PCDHA8: variants seen among roughly 807,000 people sequenced by gnomAD.
The protein encoded by PCDHA8 is protocadherin alpha 8, also known as protocadherin alpha-8.
PCDHA8 carries 53 observed loss-of-function variants against 61.8 expected under a neutral mutation model. The observed-to-expected ratio is 0.86, with a 90% CI of 0.69 to 1.08. The LOEUF (loss-of-function observed/expected upper bound fraction) is 1.08, where lower values mean the gene tolerates loss of function less well. PCDHA8 is among the 50% of genes least tolerant of loss of function. PCDHA8 has a pLI of 0.00. For missense variants in PCDHA8, 1,293 were observed against 1,245.0 expected (o/e 1.04, Z -0.58); for synonymous variants, 618 against 556.6 (o/e 1.11, Z -1.55).
At chr5:140,881,393 A>T (rs1216651655) in intron 1 of PCDHA8, 1 of 979,528 alleles carries the variant, frequency 1.0e-6, no homozygotes, top group African/African-American at 1.8e-5. Context: ...GGTAAGTTAA[A>T]TTCTATTAAA....
In PCDHA8 at chr5:140,978,964, C is replaced by A; in HGVS notation, c.2410C>A (p.Pro804Thr). The A allele has an allele frequency of 6.2e-7, 1 of 1,614,122 alleles. No individual in the cohort carries two copies. The highest frequency in any genetic ancestry group is 1.3e-5 in the African/African-American group (1 of 75,040). ...GATTTTGCAGCCACGACAGCCCAAC[C>A]CTGACTGGCGTTACTCTGCCTCCCT... The part of the protein sequence containing the change: ...DHGLKPRQPN[P>T]DWRYSASLRA... Residue 804 changes from proline (P) to threonine (T), a missense_variant, in exon 2 of 4, where the codon CCT becomes ACT. Transcript: ENST00000531613.
intron 1 of PCDHA8, among the ~76,000 whole-genome samples, chr5:140,903,411 A>G (rs265314): frequency 0.015 from 2,274 of 152,338 alleles, 53 homozygotes; most frequent in African/African-American, 0.052. Flanking sequence ...TGCAGTCAGG[A>G]AAAATTCAGC....
At chr5:140,884,621 G>C (rs116377419) in intron 1 of PCDHA8, 2 of 1,613,996 alleles carry the variant, frequency 1.2e-6, no homozygotes, top group South Asian at 2.2e-5. Context: ...TTCTGCAGAG[G>C]GAACAGGCCA....
At chr5:140,882,160 C>G (rs2058982745) in intron 1 of PCDHA8, 8 of 1,509,868 alleles carry the variant, frequency 5.3e-6, no homozygotes, top group Non-Finnish European at 7.1e-6. Flanking sequence ...CGGAATACCT[C>G]TTGCGAATCC....
At chr5:140,862,433 G>A (rs781821294) in intron 1 of PCDHA8, 31 of 354,884 alleles carry the variant, frequency 8.7e-5, no homozygotes, top group Admixed American at 2.6e-4. Context: ...GAAACTATTC[G>A]TTGGTACTCC....
At position 140,928,355 on chromosome 5, in the gene PCDHA8, T is replaced by C. The variant is rs368876306; in HGVS notation, c.2395-50594T>C. On this transcript the variant is annotated intron_variant, in intron 1 of 3. Coordinates refer to ENST00000531613, the MANE Select transcript of PCDHA8 (RefSeq NM_018911.3). ...GTCTCTTATGAGCTGTTGGATGTTA[T>C]CTCTGAAGGGCCATCAGCCTCTAGC... 8.1e-6 allele frequency: 13 copies of C among 1,614,062 alleles called. No individual in the cohort carries two copies. The African/African-American group carries it at 1.6e-4, about 20-fold the overall frequency.
chr5:140,844,298 GT>G (rs141549111), intron 1 of PCDHA8, among the ~76,000 whole-genome samples: 3,056 of 149,412 alleles, frequency 0.02, 290 homozygotes, highest in Non-Finnish European at 0.031. Flanking sequence ...AAATTTGATA[GT>G]TTTCATATTC....
intron 1 of PCDHA8, among the ~76,000 whole-genome samples, chr5:140,913,266 T>C (rs1458769816): frequency 1.3e-5 from 2 of 152,176 alleles, no homozygotes; most frequent in Non-Finnish European, 2.9e-5. Flanking sequence ...TCTAATTACT[T>C]GTTATTGGTC....
At chr5:140,857,970 C>A (rs782641512) in intron 1 of PCDHA8, 1 of 1,596,952 alleles carries the variant, frequency 6.3e-7, no homozygotes, top group Non-Finnish European at 8.6e-7. Flanking sequence ...GAGACTGACT[C>A]GCCACGCCAG....
intron 1 of PCDHA8, among the ~76,000 whole-genome samples, chr5:140,893,346 C>A (rs1368723678): frequency 6.6e-6 from 1 of 152,104 alleles, no homozygotes; most frequent in Non-Finnish European, 1.5e-5. Context: ...AGTGGCAGTG[C>A]TAATTTACAT....
intron 1 of PCDHA8, chr5:140,850,311 T>C (rs2150479083): frequency 1.3e-6 from 2 of 1,597,000 alleles, no homozygotes; most frequent in African/African-American, 1.3e-5. Context: ...CTACAACGCG[T>C]GGCTTTCATA....
chr5:140,871,269 G>T, intron 1 of PCDHA8: 3 of 1,613,952 alleles, frequency 1.9e-6, no homozygotes, highest in Non-Finnish European at 2.5e-6. Context: ...CGCTGTGGTG[G>T]TCGGCAACGC....
chr5:140,848,975 A>G lies in PCDHA8; in HGVS notation c.2394+5260A>G, dbSNP rs2040717769. 3 of 1,601,024 alleles carry G rather than the reference A, an allele frequency of 1.9e-6. No homozygotes were observed. The East Asian group carries it at 6.7e-5, about 36-fold the overall frequency. ...TTCCACTAGAGGGCGCGTCCGATGC[A>G]GATATCGGGGAGAACGCCCTGCTCA... On this transcript the variant is annotated intron_variant, in intron 1 of 3. Transcript: ENST00000531613.
intron 1 of PCDHA8, among the ~76,000 whole-genome samples, chr5:140,963,244 T>C (rs934081934): frequency 6.6e-6 from 1 of 151,988 alleles, no homozygotes; most frequent in Non-Finnish European, 1.5e-5. Flanking sequence ...ATGGATTAGG[T>C]AGGTTTTCAT....
Position 140,875,764 on chromosome 5 carries a change from C to T in PCDHA8, c.2394+32049C>T, listed in dbSNP as rs782377276. On this transcript the variant is annotated intron_variant, in intron 1 of 3. Coordinates refer to ENST00000531613, the MANE Select transcript of PCDHA8 (RefSeq NM_018911.3). ...GATCGACCGCGAGAAGCTGTGCGGGCGGAGCGCGGAGTGCAGTATCCACCT... is the reference window on the plus strand; with the variant it reads ...GATCGACCGCGAGAAGCTGTGCGGGTGGAGCGCGGAGTGCAGTATCCACCT... 27 of 1,614,078 alleles carry T rather than the reference C, an allele frequency of 1.7e-5. No homozygotes were observed. In the South Asian group the frequency reaches 2.1e-4, roughly 12 times the overall value.
chr5:140,897,947 T>A (rs1276045551), intron 1 of PCDHA8, among the ~76,000 whole-genome samples: 1 of 152,168 alleles, frequency 6.6e-6, no homozygotes, highest in Non-Finnish European at 1.5e-5. Context: ...CAGTGATGAT[T>A]AGCATTTTTT....
chr5:140,848,486 A>G lies in PCDHA8; in HGVS notation c.2394+4771A>G. On this transcript the variant is annotated intron_variant, in intron 1 of 3. Transcript: ENST00000531613. Reference sequence around the variant, plus strand: ...ATTTTCACTAATTAGAAGAAGACTGAGTATTTGAAATGTTATACTCAAGTC... The same window carrying G: ...ATTTTCACTAATTAGAAGAAGACTGGGTATTTGAAATGTTATACTCAAGTC... 1.3e-6 allele frequency: 2 copies of G among 1,572,848 alleles called. 1 individual carries two copies.
chr5:140,857,990 G>C lies in PCDHA8; in HGVS notation c.2394+14275G>C, dbSNP rs570220982. ...TGACTCGCCACGCCAGCGCCTACTG[G>C]TGCTGGTGAAGGACCATGGCGAGCC... On this transcript the variant is annotated intron_variant, in intron 1 of 3. Transcript: ENST00000531613. 3.7e-5 allele frequency: 59 copies of C among 1,597,202 alleles called. 9 individuals are homozygous for C. In the South Asian group the frequency reaches 5.7e-4, roughly 16 times the overall value.
chr5:140,913,073 G>A (rs529914576), intron 1 of PCDHA8, among the ~76,000 whole-genome samples: 7 of 152,184 alleles, frequency 4.6e-5, no homozygotes, highest in Admixed American at 1.3e-4. Flanking sequence ...ATGTGTCATT[G>A]TTTGGTATCA....
Sources: allele counts gnomAD v4.1 joint callset (sites outside exome capture counted in the v4.1 genomes callset), GRCh38; gene constraint gnomAD v4.1.1; transcripts MANE v1.5; gene names NCBI Gene and HGNC (gene_info 2026-07-23, HGNC 2026-07-21).